The following PLD5 variants were observed in gnomAD, a reference collection of about 807,000 sequenced individuals.
The protein encoded by PLD5 is inactive phospholipase D5.
A neutral mutation model predicts 61.1 loss-of-function variants in PLD5; 36 were observed. That is an observed-to-expected ratio of 0.59 (90% CI 0.45 to 0.78). The LOEUF (loss-of-function observed/expected upper bound fraction) is 0.78. Ranked by LOEUF, PLD5 falls within the 30% of genes least tolerant of loss-of-function variation. The pLI is 0.00. For synonymous variants in PLD5, 243 were observed against 242.8 expected (o/e 1.00, Z -0.01); for missense variants, 515 against 644.4 (o/e 0.80, Z 2.17).
upstream of PLD5, among the ~76,000 whole-genome samples, chr1:242,527,437 A>T (rs536749374): frequency 2.0e-5 from 3 of 152,280 alleles, no homozygotes; most frequent in East Asian, 5.8e-4. Context: ...CGCCCGGCCA[A>T]TCTCTATTTT....
intron 5 of PLD5, among the ~76,000 whole-genome samples, chr1:242,137,744 A>T (rs936097173): frequency 6.6e-6 from 1 of 152,186 alleles, no homozygotes; most frequent in African/African-American, 2.4e-5. Context: ...TCAAACATGC[A>T]TCAAAGCCAC....
intron 5 of PLD5, among the ~76,000 whole-genome samples, chr1:242,145,699 G>A (rs1425721048): frequency 6.6e-6 from 1 of 152,182 alleles, no homozygotes; most frequent in African/African-American, 2.4e-5. Context: ...CCACTTTTCT[G>A]TCTCGCCCTG....
At chr1:242,465,331 T>G (rs75592607) in intron 1 of PLD5, among the ~76,000 whole-genome samples, 2,754 of 152,324 alleles carry the variant, frequency 0.018, 96 homozygotes, top group African/African-American at 0.063. Flanking sequence ...GATCTTTCTT[T>G]TGGATTATTA....
At chr1:242,157,104 G>A (rs1323713938) in intron 5 of PLD5, among the ~76,000 whole-genome samples, 1 of 151,872 alleles carries the variant, frequency 6.6e-6, no homozygotes, top group Non-Finnish European at 1.5e-5. Context: ...TCATTAAGTT[G>A]ATCTTCAATC....
At chr1:242,420,389 G>A (rs147667522) in intron 1 of PLD5, among the ~76,000 whole-genome samples, 2 of 151,968 alleles carry the variant, frequency 1.3e-5, no homozygotes, top group East Asian at 3.9e-4. Flanking sequence ...CATTCTTACA[G>A]CCCCAAACTC....
At chr1:242,304,799 T>A (rs1676252011) in intron 2 of PLD5, among the ~76,000 whole-genome samples, 1 of 152,200 alleles carries the variant, frequency 6.6e-6, no homozygotes, top group South Asian at 2.1e-4. Context: ...CAAATAACAG[T>A]TTTTGGTAAT....
chr1:242,146,744 G>A (rs10926624), intron 5 of PLD5, among the ~76,000 whole-genome samples: 53,048 of 151,948 alleles, frequency 0.35, 9,472 homozygotes, highest in African/African-American at 0.38. Flanking sequence ...AGAGCAGCTC[G>A]TCGATATTCA....
intron 3 of PLD5, among the ~76,000 whole-genome samples, chr1:242,288,013 T>G (rs376130396): frequency 1.3e-5 from 2 of 152,212 alleles, no homozygotes; most frequent in African/African-American, 4.8e-5. Context: ...GAATTAGAAC[T>G]GTAAACACGC....
intron 1 of PLD5, among the ~76,000 whole-genome samples, chr1:242,374,729 G>C (rs1661847280): frequency 6.6e-6 from 1 of 152,138 alleles, no homozygotes; most frequent in Non-Finnish European, 1.5e-5. Flanking sequence ...AAGCCTTGCT[G>C]GGTTTCCTCT....
At chr1:242,214,811 A>T (rs867828455) in intron 5 of PLD5, among the ~76,000 whole-genome samples, 5 of 147,860 alleles carry the variant, frequency 3.4e-5, no homozygotes, top group African/African-American at 1.3e-4. Context: ...TGATACCAAC[A>T]CTCATCTAAT....
chr1:242,449,524 T>C, intron 1 of PLD5: 1 of 1,478,696 alleles, frequency 6.8e-7, no homozygotes. Flanking sequence ...CCTCAATGCT[T>C]TGGAAATCAG....
chr1:242,146,996 G>T (rs937856696), intron 5 of PLD5, among the ~76,000 whole-genome samples: 1 of 152,138 alleles, frequency 6.6e-6, no homozygotes, highest in Non-Finnish European at 1.5e-5. Context: ...CAGGTTTTAA[G>T]AAAATTTTAT....
chr1:242,331,355 C>T (rs1659159238), intron 2 of PLD5, among the ~76,000 whole-genome samples: 1 of 151,948 alleles, frequency 6.6e-6, no homozygotes, highest in Non-Finnish European at 1.5e-5. Context: ...GAATAAGAAA[C>T]TTGACAGTAA....
chr1:242,387,689 TCTA>T, intron 1 of PLD5, among the ~76,000 whole-genome samples: 1 of 144,142 alleles, frequency 6.9e-6, no homozygotes, highest in South Asian at 2.1e-4. Flanking sequence ...TAAAATTTTA[TCTA>T]TTTTATATAA....
At chr1:242,214,938 G>A (rs978779308) in intron 5 of PLD5, among the ~76,000 whole-genome samples, 2 of 139,314 alleles carry the variant, frequency 1.4e-5, no homozygotes, top group African/African-American at 2.7e-5. Flanking sequence ...GTGCAGTGGC[G>A]AGACCCTGGC....
chr1:242,137,785 C>G (rs1663857687), intron 5 of PLD5, among the ~76,000 whole-genome samples: 1 of 152,048 alleles, frequency 6.6e-6, no homozygotes, highest in Non-Finnish European at 1.5e-5. Flanking sequence ...GCAGAGAAAG[C>G]TGCTCCTTAA....
chr1:242,435,188 T>A (rs1025685960), intron 1 of PLD5, among the ~76,000 whole-genome samples: 1 of 151,180 alleles, frequency 6.6e-6, no homozygotes, highest in Non-Finnish European at 1.5e-5. Context: ...ATTCACCTAC[T>A]TGCCAAAATT....
intron 1 of PLD5, among the ~76,000 whole-genome samples, chr1:242,507,354 T>C (rs1668762187): frequency 6.6e-6 from 1 of 152,178 alleles, no homozygotes; most frequent in Non-Finnish European, 1.5e-5. Context: ...TGTGCAGAAG[T>C]GACTGAGGCC....
At chr1:242,482,701 C>A (rs1273483292) in intron 1 of PLD5, among the ~76,000 whole-genome samples, 1 of 151,992 alleles carries the variant, frequency 6.6e-6, no homozygotes, top group Admixed American at 6.5e-5. Flanking sequence ...TCAGGAAATA[C>A]AGAGAATGCC....
Sources: allele counts gnomAD v4.1 joint callset (sites outside exome capture counted in the v4.1 genomes callset), GRCh38; gene constraint gnomAD v4.1.1; transcripts MANE v1.5; gene names NCBI Gene and HGNC (gene_info 2026-07-23, HGNC 2026-07-21).